The following KCNT2 variants were observed in gnomAD, a reference collection of about 807,000 sequenced individuals.
KCNT2 encodes the protein potassium channel subfamily T member 2.
Under a neutral mutation model 153.8 loss-of-function variants are expected in KCNT2, and 67 were observed. That is an observed-to-expected ratio of 0.44 (90% CI 0.36 to 0.53). KCNT2 has a LOEUF of 0.53. KCNT2 is among the 20% of genes least tolerant of loss of function. The probability of loss-of-function intolerance (pLI) is 0.00; values close to 1 mark genes in which losing one functional copy is unlikely to be tolerated. For missense variants in KCNT2, 975 were observed against 1,354.8 expected, an observed-to-expected ratio of 0.72 and a Z score of 4.40; for synonymous variants, 500 against 458.8, an observed-to-expected ratio of 1.09 and a Z score of -1.15.
chr1:196,391,547 TAAAC>T (rs946006379), intron 13 of KCNT2, among the ~76,000 whole-genome samples: 2 of 151,268 alleles, frequency 1.3e-5, no homozygotes, highest in Non-Finnish European at 3.0e-5. Context: ...TTAATGGAGA[TAAAC>T]AAAAGATTAT....
chr1:196,400,094 T>A (rs113130742), intron 12 of KCNT2, among the ~76,000 whole-genome samples: 8,770 of 151,914 alleles, frequency 0.058, 395 homozygotes, highest in Non-Finnish European at 0.085. Context: ...TACCATATGT[T>A]CCTTACAGGC....
chr1:196,588,970 A>G (rs1213418716), intron 1 of KCNT2, among the ~76,000 whole-genome samples: 1 of 151,976 alleles, frequency 6.6e-6, no homozygotes, highest in Non-Finnish European at 1.5e-5. Context: ...AATCCCCCAA[A>G]AAGCCTATAA....
chr1:196,343,514 AC>A (rs1272276311), intron 14 of KCNT2, among the ~76,000 whole-genome samples: 1 of 152,198 alleles, frequency 6.6e-6, no homozygotes, highest in African/African-American at 2.4e-5. Context: ...AGATCACAAG[AC>A]ATTACAACCA....
intron 1 of KCNT2, among the ~76,000 whole-genome samples, chr1:196,519,922 G>A (rs1353154579): frequency 1.3e-5 from 2 of 152,138 alleles, no homozygotes; most frequent in African/African-American, 4.8e-5. Flanking sequence ...TTGAAGAGAA[G>A]TGATTCTTCC....
intron 26 of KCNT2, among the ~76,000 whole-genome samples, chr1:196,237,815 C>T (rs1050988998): frequency 6.6e-6 from 1 of 151,668 alleles, no homozygotes; most frequent in Non-Finnish European, 1.5e-5. Context: ...GATTAGAATT[C>T]CAATGAATAT....
At chr1:196,234,554 A>G (rs1654252730) in intron 27 of KCNT2, among the ~76,000 whole-genome samples, 1 of 151,112 alleles carries the variant, frequency 6.6e-6, no homozygotes, top group Non-Finnish European at 1.5e-5. Context: ...CTACGTTCAT[A>G]TTCACCCCAA....
intron 12 of KCNT2, 112 bp downstream of exon 12, chr1:196,422,938 A>G: frequency 3.5e-6 from 2 of 563,380 alleles, no homozygotes; most frequent in Non-Finnish European, 6.2e-6. Flanking sequence ...TCCTTTTAGT[A>G]AAACTTTAAG....
At chr1:196,416,275 G>A (rs1208468103) in intron 12 of KCNT2, among the ~76,000 whole-genome samples, 1 of 151,946 alleles carries the variant, frequency 6.6e-6, no homozygotes, top group African/African-American at 2.4e-5. Flanking sequence ...CCAAAAAGAA[G>A]GCATCAAGTG....
chr1:196,320,810 G>A (rs1227953570), intron 19 of KCNT2, among the ~76,000 whole-genome samples: 2 of 151,152 alleles, frequency 1.3e-5, no homozygotes, highest in East Asian at 3.9e-4. Context: ...TGACCCAATA[G>A]TATTACATCT....
At chr1:196,582,950 A>T (rs1423446868) in intron 1 of KCNT2, among the ~76,000 whole-genome samples, 1 of 152,134 alleles carries the variant, frequency 6.6e-6, no homozygotes, top group African/African-American at 2.4e-5. Flanking sequence ...TTGCATAGCG[A>T]AAAAGCCTTC....
At chr1:196,287,369 A>G (rs1659764093) in intron 22 of KCNT2, among the ~76,000 whole-genome samples, 4 of 152,006 alleles carry the variant, frequency 2.6e-5, no homozygotes, top group Admixed American at 1.3e-4. Flanking sequence ...GATATGTTAG[A>G]CCCAAATTAA....
intron 5 of KCNT2, 46 bp downstream of exon 5, chr1:196,479,133 A>G (rs1285011411): frequency 8.5e-7 from 1 of 1,181,902 alleles, no homozygotes; most frequent in Non-Finnish European, 1.3e-6. Context: ...AGTAAATACT[A>G]CAGATGTGTT....
intron 22 of KCNT2, among the ~76,000 whole-genome samples, chr1:196,292,523 G>C (rs1015249116): frequency 3.3e-5 from 5 of 152,084 alleles, no homozygotes; most frequent in African/African-American, 1.2e-4. Context: ...GAAAAAGGAA[G>C]TGGCCGGGCG....
chr1:196,366,181 CAG>C (rs1350053637), intron 14 of KCNT2, among the ~76,000 whole-genome samples: 1 of 149,444 alleles, frequency 6.7e-6, no homozygotes. Flanking sequence ...TTTTTTGAGA[CAG>C]AGTTTCGCTC....
chr1:196,322,837 T>C (rs928101338), intron 19 of KCNT2, among the ~76,000 whole-genome samples: 1 of 151,934 alleles, frequency 6.6e-6, no homozygotes, highest in African/African-American at 2.4e-5. Flanking sequence ...CTAGACAATA[T>C]GAAAGTAGTT....
At chr1:196,229,559 C>G (rs2102210636) in intron 27 of KCNT2, among the ~76,000 whole-genome samples, 1 of 152,152 alleles carries the variant, frequency 6.6e-6, no homozygotes, top group East Asian at 1.9e-4. Context: ...ATGTCTCTCA[C>G]TTTAAATCAA....
At chr1:196,557,928 AC>A (rs1439442588) in intron 1 of KCNT2, among the ~76,000 whole-genome samples, 10 of 151,336 alleles carry the variant, frequency 6.6e-5, no homozygotes, top group Non-Finnish European at 4.4e-5. Context: ...TTTCAGAAAT[AC>A]TAAGAAAAAG....
At chr1:196,574,180 T>C (rs942045137) in intron 1 of KCNT2, among the ~76,000 whole-genome samples, 4 of 151,992 alleles carry the variant, frequency 2.6e-5, no homozygotes, top group African/African-American at 9.7e-5. Flanking sequence ...TTGGGTAGGC[T>C]CTTATGAAGC....
intron 25 of KCNT2, among the ~76,000 whole-genome samples, chr1:196,263,504 G>A (rs1306260835): frequency 2.0e-5 from 3 of 152,038 alleles, no homozygotes; most frequent in Non-Finnish European, 4.4e-5. Flanking sequence ...GGGGCTAGGG[G>A]AGGGATAGCA....
Sources: gnomAD v4.1 joint callset for allele counts (sites outside exome capture counted in the v4.1 genomes callset) on GRCh38, gnomAD v4.1.1 for gene constraint, MANE v1.5 for transcripts, NCBI Gene and HGNC (gene_info 2026-07-23, HGNC 2026-07-21) for gene names.